The following QKI variants were observed in gnomAD, a reference collection of about 807,000 sequenced individuals.
The protein encoded by QKI is QKI, KH domain containing RNA binding, also known as KH domain-containing RNA-binding protein QKI.
QKI carries 10 observed loss-of-function variants against 39.0 expected under a neutral mutation model. That is an observed-to-expected ratio of 0.26 (90% confidence interval 0.16 to 0.43). QKI has a LOEUF of 0.43. QKI is among the 20% of genes least tolerant of loss of function. The pLI, the probability that QKI is intolerant of heterozygous loss-of-function variation, is 1.00. For synonymous variants in QKI, 204 were observed against 155.4 expected (o/e 1.31, Z -2.33); for missense variants, 218 against 428.0 (o/e 0.51, Z 4.33).
chr6:163,511,135 A>G (rs908145470), intron 3 of QKI, among the ~76,000 whole-genome samples: 3 of 152,118 alleles, frequency 2.0e-5, no homozygotes, highest in East Asian at 1.9e-4. Flanking sequence ...ACTTTTTTGT[A>G]ATCAGTTGGT....
At chr6:163,504,487 T>C (rs191235701) in intron 3 of QKI, among the ~76,000 whole-genome samples, 1 of 152,338 alleles carries the variant, frequency 6.6e-6, no homozygotes, top group East Asian at 1.9e-4. Flanking sequence ...TTCCAATCCA[T>C]GAGCGTGGGA....
intron 3 of QKI, among the ~76,000 whole-genome samples, chr6:163,493,501 G>C (rs1386655383): frequency 6.6e-6 from 1 of 152,078 alleles, no homozygotes; most frequent in Non-Finnish European, 1.5e-5. Context: ...GTTTGTTGAA[G>C]TTTTAAAATA....
At chr6:163,493,994 A>G (rs979591413) in intron 3 of QKI, among the ~76,000 whole-genome samples, 3 of 152,156 alleles carry the variant, frequency 2.0e-5, no homozygotes, top group African/African-American at 7.2e-5. Context: ...AAAATAAAAA[A>G]TTATACATGC....
At chr6:163,452,574 C>T (rs750135039) in intron 1 of QKI, among the ~76,000 whole-genome samples, 1 of 152,092 alleles carries the variant, frequency 6.6e-6, no homozygotes, top group Admixed American at 6.5e-5. Context: ...CAAGGACCTG[C>T]GGACACACTG....
intron 4 of QKI, among the ~76,000 whole-genome samples, chr6:163,540,440 T>C (rs1781441012): frequency 1.3e-5 from 2 of 152,208 alleles, no homozygotes; most frequent in African/African-American, 4.8e-5. Flanking sequence ...TGCATAACTT[T>C]ACATGTAACT....
Position 163,574,628 on chromosome 6 carries a change from T to G in QKI, c.*3918T>G, listed in dbSNP as rs1238561676. On this transcript the variant is annotated 3_prime_UTR_variant, in exon 8 of 8. Coordinates refer to ENST00000361752, the MANE Select transcript of QKI (RefSeq NM_006775.3). Reference sequence around the variant, plus strand: ...TTAATTTCTTGCATGCAAATCAATTTAAGATTTCTTAAATATCTTCATGCT... The same window carrying G: ...TTAATTTCTTGCATGCAAATCAATTGAAGATTTCTTAAATATCTTCATGCT... The G allele has an allele frequency of 6.6e-6, 1 of 152,232 alleles. No homozygotes were observed. Among genetic ancestry groups the G allele is most frequent in the Non-Finnish European group, 1.5e-5 (1 of 68,034 alleles). 9.4% of individuals were successfully genotyped at this position (152,232 alleles called of 1,614,324 possible).
At chr6:163,469,699 T>G (rs552004438) in intron 2 of QKI, among the ~76,000 whole-genome samples, 2 of 152,296 alleles carry the variant, frequency 1.3e-5, no homozygotes, top group East Asian at 1.9e-4. Flanking sequence ...TAAAGATTAT[T>G]ATCTCTGTCC....
chr6:163,510,281 A>C (rs1286124390), intron 3 of QKI, among the ~76,000 whole-genome samples: 1 of 150,830 alleles, frequency 6.6e-6, no homozygotes, highest in Non-Finnish European at 1.5e-5. Flanking sequence ...AAAGCAAGCC[A>C]AGTGCAGTGG....
chr6:163,493,136 T>TC (rs1372575151), intron 3 of QKI, among the ~76,000 whole-genome samples: 4 of 151,050 alleles, frequency 2.6e-5, no homozygotes, highest in Non-Finnish European at 5.9e-5. Flanking sequence ...TACAATACTT[T>TC]TTTTTTTTTT....
chr6:163,484,347 G>T (rs1793310626), intron 3 of QKI, among the ~76,000 whole-genome samples: 1 of 151,984 alleles, frequency 6.6e-6, no homozygotes, highest in Non-Finnish European at 1.5e-5. Flanking sequence ...TTAGAGGCAT[G>T]CACCACCACA....
At chr6:163,534,082 A>C (rs950332874) in intron 3 of QKI, among the ~76,000 whole-genome samples, 1 of 152,078 alleles carries the variant, frequency 6.6e-6, no homozygotes, top group African/African-American at 2.4e-5. Context: ...TACCATTTAT[A>C]TACTACTTAT....
intron 1 of QKI, among the ~76,000 whole-genome samples, chr6:163,424,384 T>C (rs1788245893): frequency 1.3e-5 from 2 of 152,214 alleles, no homozygotes; most frequent in South Asian, 4.1e-4. Context: ...TATGTTTTTG[T>C]GCATATGCTA....
Position 163,455,415 on chromosome 6 carries a change from C to T in QKI, c.279C>T (p.Tyr93=). Residue 93 remains tyrosine (Y), a synonymous_variant, in exon 2 of 8, where the codon TAC becomes TAT. Coordinates refer to ENST00000361752, the MANE Select transcript of QKI (RefSeq NM_006775.3). ...QEKLYVPVKE[Y]PDFNFVGRIL... is the part of the protein sequence containing the mutation. ...AACTTTATGTGCCTGTAAAAGAATA[C>T]CCAGATGTAAGTATATTTTGTTGTT... The T allele has an allele frequency of 1.9e-6, 3 of 1,610,058 alleles. No homozygotes were observed. Among genetic ancestry groups the T allele is most frequent in the South Asian group, 2.2e-5 (2 of 90,670 alleles).
intron 3 of QKI, among the ~76,000 whole-genome samples, chr6:163,488,067 G>A (rs1263898850): frequency 6.6e-6 from 1 of 152,094 alleles, no homozygotes; most frequent in African/African-American, 2.4e-5. Context: ...CCGCCTTTGG[G>A]TATCACTACG....
At chr6:163,537,643 T>A (rs1212887636) in intron 4 of QKI, among the ~76,000 whole-genome samples, 1 of 152,224 alleles carries the variant, frequency 6.6e-6, no homozygotes, top group Non-Finnish European at 1.5e-5. Context: ...GCTTTTCTTG[T>A]TCGTTCAGTA....
At chr6:163,485,955 C>T (rs1777642726) in intron 3 of QKI, among the ~76,000 whole-genome samples, 1 of 152,124 alleles carries the variant, frequency 6.6e-6, no homozygotes, top group African/African-American at 2.4e-5. Flanking sequence ...AAACAAAAAC[C>T]TCATGTTTTA....
At chr6:163,455,761 C>G (rs1349661516) in intron 2 of QKI, among the ~76,000 whole-genome samples, 3 of 152,146 alleles carry the variant, frequency 2.0e-5, no homozygotes, top group Non-Finnish European at 4.4e-5. Context: ...CAGCTTGGGC[C>G]ACAGCATTCT....
intron 3 of QKI, among the ~76,000 whole-genome samples, chr6:163,505,550 G>A (rs974620807): frequency 1.3e-5 from 2 of 152,150 alleles, no homozygotes; most frequent in Admixed American, 6.5e-5. Flanking sequence ...GGAGATTTTG[G>A]AGCTTTAAGA....
intron 6 of QKI, chr6:163,563,960 T>A (rs192997210): frequency 7.3e-7 from 1 of 1,367,682 alleles, no homozygotes; most frequent in East Asian, 2.7e-5. Context: ...GTAAATCTGT[T>A]GTGTACATTT....
Sources: allele counts gnomAD v4.1 joint callset (sites outside exome capture counted in the v4.1 genomes callset), GRCh38; gene constraint gnomAD v4.1.1; transcripts MANE v1.5; gene names NCBI Gene and HGNC (gene_info 2026-07-23, HGNC 2026-07-21).